Variants in COLEC11 observed in about 807,000 individuals in gnomAD.
The protein encoded by COLEC11 is collectin-11.
In COLEC11, 20 loss-of-function variants were observed where a neutral mutation model predicts 27.3. That is an observed-to-expected ratio of 0.73 (90% CI 0.51 to 1.06). COLEC11 has a LOEUF of 1.06. COLEC11 is among the 50% of genes least tolerant of loss of function. The pLI is 0.00. For synonymous variants in COLEC11, 163 were observed against 154.7 expected (o/e 1.05, Z -0.40); for missense variants, 310 against 383.0 (o/e 0.81, Z 1.59).
chr2:3,628,356 T>C (rs1664714262), intron 3 of COLEC11, among the ~76,000 whole-genome samples: 1 of 152,260 alleles, frequency 6.6e-6, no homozygotes, highest in African/African-American at 2.4e-5. Context: ...GGGGCTCTGC[T>C]TCAGGTTTCT....
At chr2:3,615,731 C>T (rs1302898848) in intron 3 of COLEC11, among the ~76,000 whole-genome samples, 1 of 150,792 alleles carries the variant, frequency 6.6e-6, no homozygotes, top group African/African-American at 2.4e-5. Flanking sequence ...AGAGGCGCCC[C>T]CCACCTCGCG....
intron 1 of COLEC11, among the ~76,000 whole-genome samples, chr2:3,595,404 C>T (rs1572369971): frequency 6.6e-6 from 1 of 152,208 alleles, no homozygotes; most frequent in South Asian, 2.1e-4. Context: ...AGATGGGATC[C>T]GACCCATGAG....
intron 3 of COLEC11, 107 bp from the exon 4 acceptor site, chr2:3,637,426 T>A (rs1665505173): frequency 5.0e-6 from 4 of 806,212 alleles, no homozygotes; most frequent in Non-Finnish European, 8.9e-6. Context: ...TCTATGTGCC[T>A]GTGATGTAGG....
rs60222284 is a variant in COLEC11 at position 3,625,625 on chromosome 2, C to CTTTTTTTTTTTTTTTTTTT, written c.203-11907_203-11889dup. 5.8e-4 allele frequency among the ~76,000 whole-genome samples: 53 copies of CTTTTTTTTTTTTTTTTTTT among 91,460 alleles called. 4 individuals carry two copies. Among genetic ancestry groups the CTTTTTTTTTTTTTTTTTTT allele is most frequent in the African/African-American group, 1.5e-3 (32 of 20,838 alleles). The allele number at this position is 91,460 out of a possible 152,430, so 60.0% of individuals were successfully genotyped here. ...GGAAAGTTTCTTTTCTTCTTTTTTA[C>CTTTTTTTTTTTTTTTTTTT]TTTTTTTTTTTTTTTTTTTGAGACA... is the stretch of plus-strand genomic sequence containing the variant. On this transcript the variant is annotated intron_variant, in intron 3 of 6. Coordinates refer to ENST00000349077, the MANE Select transcript of COLEC11 (RefSeq NM_024027.5).
At position 3,602,445 on chromosome 2, in the gene COLEC11, C is replaced by T. The variant is rs1662300842; in HGVS notation, c.-26-1870C>T. Among the ~76,000 whole-genome samples the T allele has an allele frequency of 6.6e-6, 1 of 152,194 alleles. No individual in the cohort carries two copies. The highest frequency in any genetic ancestry group is 1.5e-5 in the Non-Finnish European group (1 of 68,044). ...ACAAAAGCTTTAATCTTTGATTTCT[C>T]TCTGTCATTTCCCACATAACTGATC... On this transcript the variant is annotated intron_variant, in intron 1 of 6. Transcript: ENST00000349077. This position sits in a 1 kb window ranked among gnomAD's most constrained non-coding sequence, Gnocchi z 6.2.
intron 4 of COLEC11, among the ~76,000 whole-genome samples, chr2:3,638,570 GGGGTT>G (rs1665612132): frequency 6.6e-6 from 1 of 152,174 alleles, no homozygotes; most frequent in Non-Finnish European, 1.5e-5. Flanking sequence ...GAGCTGTGAG[GGGGTT>G]CTCATGGTTT....
At chr2:3,606,181 G>A (rs990215349) in intron 2 of COLEC11, 1 of 1,550,496 alleles carries the variant, frequency 6.4e-7, no homozygotes, top group East Asian at 2.4e-5. Context: ...TGGAGGTCAC[G>A]TCCCTGCCCA....
chr2:3,603,840 C>A, intron 1 of COLEC11: 1 of 629,692 alleles, frequency 1.6e-6, no homozygotes, highest in Non-Finnish European at 2.8e-6. Flanking sequence ...GATGTGGGGG[C>A]GTGGATTCCT....
chr2:3,617,994 A>G (rs1663900887), intron 3 of COLEC11, among the ~76,000 whole-genome samples: 1 of 152,230 alleles, frequency 6.6e-6, no homozygotes, highest in African/African-American at 2.4e-5. Flanking sequence ...ATGTCTTCTT[A>G]GAAAAATATC....
At chr2:3,604,027 T>C in intron 1 of COLEC11, 2 of 569,298 alleles carry the variant, frequency 3.5e-6, no homozygotes, top group South Asian at 4.3e-5. Flanking sequence ...GTCCCAGAGA[T>C]CAGATCGAAC....
chr2:3,607,194 G>A (rs12618238), intron 2 of COLEC11, among the ~76,000 whole-genome samples: 5 of 151,930 alleles, frequency 3.3e-5, no homozygotes, highest in Non-Finnish European at 7.4e-5. Flanking sequence ...TGGTGCTTGA[G>A]ATGACATTTA....
intron 3 of COLEC11, among the ~76,000 whole-genome samples, chr2:3,632,035 C>T (rs932469562): frequency 4.6e-5 from 7 of 152,192 alleles, no homozygotes; most frequent in Admixed American, 1.3e-4. Flanking sequence ...AGGCCTTGGT[C>T]TGAGTGAAAT....
intron 3 of COLEC11, chr2:3,617,846 C>A: frequency 1.6e-6 from 1 of 626,014 alleles, no homozygotes; most frequent in South Asian, 2.0e-5. Flanking sequence ...ACATCTTCTC[C>A]AATGCTTAAT....
rs567474674 is a variant in COLEC11, at chr2:3,609,352, ATTTTTTTTT to A, written c.131-3933_131-3925del. Among the ~76,000 whole-genome samples the A allele has an allele frequency of 8.2e-4, 72 of 87,450 alleles. 1 individual carries two copies. The highest frequency in any genetic ancestry group is 4.0e-3 in the African/African-American group (68 of 16,992). The allele number at this position is 87,450 out of a possible 152,430, so 57.4% of individuals were successfully genotyped here. ...TGTTACTATGAACTATTTTTCTTTG[ATTTTTTTTT>A]TTTTTTTTTTTTTTTTTTTTTTTTT... is the stretch of plus-strand genomic sequence containing the variant. On this transcript the variant is annotated intron_variant, in intron 2 of 6. Transcript: ENST00000349077.
intron 4 of COLEC11, among the ~76,000 whole-genome samples, 162 bp from the exon 5 acceptor site, chr2:3,640,116 G>A (rs904075825): frequency 2.6e-5 from 4 of 152,264 alleles, no homozygotes; most frequent in Middle Eastern, 3.4e-3. Context: ...AAATAGTGCC[G>A]GAAGCAGGAA....
chr2:3,597,402 G>A lies in COLEC11; in HGVS notation c.-27+2234G>A, dbSNP rs1281487928. ...TCCGGGGTCAGCGGATGAATGGAGT[G>A]AAGGCACGAGAAATCCCGCCTGGGC... is the stretch of plus-strand genomic sequence containing the variant. On this transcript the variant is annotated intron_variant, in intron 1 of 6. Coordinates refer to ENST00000349077, the MANE Select transcript of COLEC11 (RefSeq NM_024027.5). 2.6e-5 allele frequency among the ~76,000 whole-genome samples: 4 copies of A among 151,680 alleles called. No individual in the cohort carries two copies. In the East Asian group the frequency reaches 7.8e-4, roughly 29 times the overall value.
chr2:3,625,905 T>TTA lies in COLEC11; in HGVS notation c.203-11625_203-11624dup, dbSNP rs1664521273. On this transcript the variant is annotated intron_variant, in intron 3 of 6. Coordinates refer to ENST00000349077, the MANE Select transcript of COLEC11 (RefSeq NM_024027.5). Reference sequence around the variant, plus strand: ...ACCTTGGCCTCCCAAAGTGCCGGGATTATAGGCATGAGCCGCCATACCTGG... The same window carrying TTA: ...ACCTTGGCCTCCCAAAGTGCCGGGATTATATAGGCATGAGCCGCCATACCTGG... The TTA allele has an allele frequency of 2.9e-5, 30 of 1,029,200 alleles. 1 individual carries two copies. In the South Asian group the frequency reaches 3.6e-4, roughly 12 times the overall value. The allele number at this position is 1,029,200 out of a possible 1,614,324, so 63.8% of individuals were successfully genotyped here.
chr2:3,610,790 G>A (rs947814641), intron 2 of COLEC11, among the ~76,000 whole-genome samples: 3 of 152,176 alleles, frequency 2.0e-5, no homozygotes, highest in East Asian at 3.8e-4. Flanking sequence ...GGGGCTTTTC[G>A]GATCTTGCCG....
intron 2 of COLEC11, among the ~76,000 whole-genome samples, chr2:3,610,877 T>A (rs1341773333): frequency 6.6e-6 from 1 of 152,220 alleles, no homozygotes; most frequent in Non-Finnish European, 1.5e-5. Flanking sequence ...AGAATTCTTA[T>A]GTCCATCTGA....
Sources: allele counts gnomAD v4.1 joint callset (sites outside exome capture counted in the v4.1 genomes callset), GRCh38; gene constraint gnomAD v4.1.1; non-coding constraint Gnocchi (gnomAD v3.1); transcripts MANE v1.5; gene names NCBI Gene and HGNC (gene_info 2026-07-23, HGNC 2026-07-21).